The following ZNF83 variants were observed in gnomAD, a reference collection of about 807,000 sequenced individuals.
ZNF83 encodes the protein zinc finger protein 816B.
For missense variants in ZNF83, 552 were observed against 629.9 expected, an observed-to-expected ratio of 0.88 and a Z score of 1.32; for synonymous variants, 209 against 213.0, an observed-to-expected ratio of 0.98 and a Z score of 0.17.
intron 3 of ZNF83, chr19:52,650,444 A>G (rs892477629): frequency 2.0e-5 from 3 of 152,134 alleles, no homozygotes; most frequent in African/African-American, 7.2e-5. Flanking sequence ...TTTAGTAAAG[A>G]TGGGGTTTCT....
At chr19:52,650,888 G>A (rs1162133530) in intron 3 of ZNF83, 1 of 152,114 alleles carries the variant, frequency 6.6e-6, no homozygotes, top group Non-Finnish European at 1.5e-5. Flanking sequence ...GCTAATGAGT[G>A]GTCAAGGGAG....
intron 2 of ZNF83, among the ~76,000 whole-genome samples, chr19:52,659,729 A>G (rs2061554455): frequency 6.6e-6 from 1 of 152,220 alleles, no homozygotes; most frequent in Non-Finnish European, 1.5e-5. Context: ...TGCAAAAGAA[A>G]CAAATTCAAC....
At chr19:52,665,221 A>C (rs1207339678) in intron 1 of ZNF83, among the ~76,000 whole-genome samples, 1 of 152,066 alleles carries the variant, frequency 6.6e-6, no homozygotes, top group African/African-American at 2.4e-5. Context: ...CAGAGGGCTC[A>C]GGCCAGGGAG....
intron 1 of ZNF83, among the ~76,000 whole-genome samples, chr19:52,662,380 G>C (rs1033556026): frequency 3.9e-5 from 6 of 152,112 alleles, no homozygotes; most frequent in Non-Finnish European, 8.8e-5. Flanking sequence ...GAGAGCTGAG[G>C]AGCCAACTGA....
intron 1 of ZNF83, among the ~76,000 whole-genome samples, chr19:52,690,002 G>C (rs1388412313): frequency 6.6e-6 from 1 of 152,130 alleles, no homozygotes; most frequent in Non-Finnish European, 1.5e-5. Flanking sequence ...TGAGGACAAG[G>C]GTGGGGTCTG....
At chr19:52,639,337 C>T (rs1257607602), upstream of ZNF83, among the ~76,000 whole-genome samples, 1 of 151,694 alleles carries the variant, frequency 6.6e-6, no homozygotes, top group Non-Finnish European at 1.5e-5. Flanking sequence ...CCGCCCGCCT[C>T]GGCCTCCCAA....
intron 1 of ZNF83, among the ~76,000 whole-genome samples, chr19:52,668,797 G>A (rs995518678): frequency 1.3e-5 from 2 of 152,170 alleles, no homozygotes; most frequent in Non-Finnish European, 2.9e-5. Flanking sequence ...CCCTTTCCAC[G>A]AGGGCTGTCC....
At chr19:52,645,516 A>G (rs1487528363) in intron 3 of ZNF83, among the ~76,000 whole-genome samples, 4 of 152,156 alleles carry the variant, frequency 2.6e-5, no homozygotes, top group Non-Finnish European at 4.4e-5. Flanking sequence ...GAAAACTAAG[A>G]TTTATCTTGG....
intron 1 of ZNF83, among the ~76,000 whole-genome samples, chr19:52,684,760 C>G: frequency 6.6e-6 from 1 of 151,854 alleles, no homozygotes; most frequent in Middle Eastern, 3.4e-3. Context: ...AGAGCAGGGA[C>G]AATGACCTGA....
chr19:52,682,889 T>C (rs1170004924), intron 1 of ZNF83, among the ~76,000 whole-genome samples: 1 of 151,968 alleles, frequency 6.6e-6, no homozygotes, highest in Non-Finnish European at 1.5e-5. Context: ...TTTTTTTTTC[T>C]AGATGGAGTC....
At chr19:52,642,022 T>G (rs115599543), upstream of ZNF83, among the ~76,000 whole-genome samples, 55 of 152,256 alleles carry the variant, frequency 3.6e-4, no homozygotes, top group African/African-American at 1.3e-3. Context: ...AATTTATATA[T>G]GAGAGGGAGT....
chr19:52,631,075 T>C (rs546805769), intron 2 of ZNF83, among the ~76,000 whole-genome samples: 4 of 144,218 alleles, frequency 2.8e-5, no homozygotes, highest in African/African-American at 1.0e-4. Context: ...CTCTCTTCGC[T>C]TTCACTTGGA....
intron 3 of ZNF83, among the ~76,000 whole-genome samples, chr19:52,646,511 G>A (rs183269402): frequency 2.5e-3 from 378 of 152,218 alleles, no homozygotes; most frequent in Non-Finnish European, 4.1e-3. Flanking sequence ...ATCACTCCAT[G>A]GCACTCCATC....
intron 1 of ZNF83, among the ~76,000 whole-genome samples, chr19:52,677,516 A>C (rs1043752662): frequency 6.6e-6 from 1 of 151,794 alleles, no homozygotes; most frequent in Non-Finnish European, 1.5e-5. Context: ...AGATCCAAAA[A>C]ATCAGCAGTA....
chr19:52,614,434 T>C (rs767387058), exon 3 of ZNF83: 14 of 1,613,612 alleles, frequency 8.7e-6, no homozygotes, highest in African/African-American at 1.3e-5. Context: ...GACAGATTTT[T>C]CCATGTGATC....
At chr19:52,653,096 T>A in intron 3 of ZNF83, 1 of 1,463,786 alleles carries the variant, frequency 6.8e-7, no homozygotes, top group Non-Finnish European at 9.5e-7. Context: ...GCCTTATGAA[T>A]TAGAAGGGAT....
At chr19:52,686,171 G>T (rs2062011865) in intron 1 of ZNF83, among the ~76,000 whole-genome samples, 3 of 152,106 alleles carry the variant, frequency 2.0e-5, no homozygotes, top group African/African-American at 7.2e-5. Context: ...ACTTCTGTAT[G>T]AGGTACCAAA....
chr19:52,625,155 A>C (rs547083661), intron 2 of ZNF83, among the ~76,000 whole-genome samples: 5 of 152,176 alleles, frequency 3.3e-5, no homozygotes, highest in African/African-American at 1.2e-4. Flanking sequence ...TTCCACATCT[A>C]TCATTGAGGC....
intron 2 of ZNF83, among the ~76,000 whole-genome samples, chr19:52,632,619 C>T (rs560279559): frequency 6.6e-5 from 10 of 151,562 alleles, no homozygotes; most frequent in South Asian, 2.1e-4. Context: ...GTCCACAAAC[C>T]GCCACTCTTA....
Sources: allele counts gnomAD v4.1 joint callset (sites outside exome capture counted in the v4.1 genomes callset), GRCh38; gene constraint gnomAD v4.1.1; transcripts MANE v1.5; gene names NCBI Gene and HGNC (gene_info 2026-07-23, HGNC 2026-07-21).